SCHIP1: variants seen among roughly 807,000 people sequenced by gnomAD.
SCHIP1 encodes the protein schwannomin interacting protein 1.
Under a neutral mutation model 29.7 loss-of-function variants are expected in SCHIP1, and 8 were observed. That is an observed-to-expected ratio of 0.27 (90% confidence interval 0.16 to 0.49). The LOEUF is 0.49. Among genes scored for constraint, SCHIP1 ranks in the 20% least tolerant of loss-of-function variants. The pLI is 0.99. For synonymous variants in SCHIP1, 76 were observed against 94.9 expected, an observed-to-expected ratio of 0.80 and a Z score of 1.16; for missense variants, 193 against 294.6, an observed-to-expected ratio of 0.66 and a Z score of 2.52.
chr3:159,776,406 G>T, the SCHIP1 span, among the ~76,000 whole-genome samples: 2 of 151,348 alleles, frequency 1.3e-5, no homozygotes, highest in African/African-American at 2.4e-5. Context: ...GTGTGGAAGG[G>T]GACCTGAATG....
At chr3:159,409,988 C>T in the SCHIP1 span, among the ~76,000 whole-genome samples, 6 of 151,970 alleles carry the variant, frequency 3.9e-5, no homozygotes, top group Admixed American at 2.0e-4. Context: ...ACAGTGAACT[C>T]ATTTTTGATG....
At chr3:159,702,401 C>T in the SCHIP1 span, among the ~76,000 whole-genome samples, 1 of 152,200 alleles carries the variant, frequency 6.6e-6, no homozygotes, top group Non-Finnish European at 1.5e-5. Flanking sequence ...TATTAAGTCA[C>T]TCATAATATT....
the SCHIP1 span, among the ~76,000 whole-genome samples, chr3:159,335,801 C>T: frequency 6.6e-6 from 1 of 152,164 alleles, no homozygotes; most frequent in Non-Finnish European, 1.5e-5. Context: ...CCGCAATAAG[C>T]ATACGTGTGC....
At chr3:159,490,390 A>G in the SCHIP1 span, among the ~76,000 whole-genome samples, 1 of 152,328 alleles carries the variant, frequency 6.6e-6, no homozygotes, top group South Asian at 2.1e-4. Context: ...TTTACTTTCA[A>G]ATAACCAGGT....
chr3:159,666,912 C>A, the SCHIP1 span, among the ~76,000 whole-genome samples: 18 of 152,310 alleles, frequency 1.2e-4, no homozygotes, highest in African/African-American at 4.3e-4. Flanking sequence ...TTTAAGCCAG[C>A]CAGTTAGGTT....
chr3:159,839,256 G>A (rs897927462), upstream of SCHIP1, among the ~76,000 whole-genome samples: 9 of 150,206 alleles, frequency 6.0e-5, no homozygotes, highest in Admixed American at 1.3e-4. Flanking sequence ...AAGTCACAGC[G>A]TTGGGTAATA....
the SCHIP1 span, among the ~76,000 whole-genome samples, chr3:159,735,831 G>C: frequency 3.9e-5 from 6 of 152,172 alleles, no homozygotes; most frequent in Non-Finnish European, 4.4e-5. Flanking sequence ...CCATCTTCTA[G>C]TCATGGATTA....
At chr3:159,399,562 C>G in the SCHIP1 span, among the ~76,000 whole-genome samples, 1 of 152,120 alleles carries the variant, frequency 6.6e-6, no homozygotes, top group African/African-American at 2.4e-5. Flanking sequence ...ACCAGAATCT[C>G]CATGTGGGAG....
At chr3:159,817,980 C>A in the SCHIP1 span, among the ~76,000 whole-genome samples, 3 of 152,154 alleles carry the variant, frequency 2.0e-5, no homozygotes, top group East Asian at 5.8e-4. Context: ...TTTTATTTAT[C>A]CAATGGTGAG....
chr3:159,393,116 G>A, the SCHIP1 span, among the ~76,000 whole-genome samples: 3 of 152,180 alleles, frequency 2.0e-5, no homozygotes, highest in African/African-American at 7.2e-5. Context: ...GTCTTCTTTT[G>A]AGAAGTATCT....
chr3:159,819,745 G>C, the SCHIP1 span, among the ~76,000 whole-genome samples: 1 of 152,224 alleles, frequency 6.6e-6, no homozygotes, highest in Non-Finnish European at 1.5e-5. Flanking sequence ...ATTAAGCCCT[G>C]ACTCTAGACC....
the SCHIP1 span, among the ~76,000 whole-genome samples, chr3:159,436,441 GA>G: frequency 6.6e-6 from 1 of 152,152 alleles, no homozygotes. Context: ...ATCTAGCAGA[GA>G]ATTTGTCTCC....
At chr3:159,408,155 G>A in the SCHIP1 span, among the ~76,000 whole-genome samples, 12 of 151,848 alleles carry the variant, frequency 7.9e-5, no homozygotes, top group South Asian at 6.2e-4. Flanking sequence ...AAAATTAGCC[G>A]GGCATGGTGG....
At chr3:159,653,786 G>A in the SCHIP1 span, among the ~76,000 whole-genome samples, 4 of 151,652 alleles carry the variant, frequency 2.6e-5, no homozygotes, top group Non-Finnish European at 5.9e-5. Context: ...AGATCAGTAG[G>A]TGAATCTAGT....
chr3:159,878,071 AGTCAGACAC>A (rs1716025467), intron 2 of SCHIP1, among the ~76,000 whole-genome samples: 1 of 152,250 alleles, frequency 6.6e-6, no homozygotes, highest in African/African-American at 2.4e-5. Flanking sequence ...GACATGGCTG[AGTCAGACAC>A]ACAGCCATCC....
chr3:159,576,275 C>A, the SCHIP1 span, among the ~76,000 whole-genome samples: 1 of 152,120 alleles, frequency 6.6e-6, no homozygotes, highest in South Asian at 2.1e-4. Context: ...GACTATTATG[C>A]CATTTTTATT....
the SCHIP1 span, among the ~76,000 whole-genome samples, chr3:159,395,058 C>A: frequency 6.6e-6 from 1 of 152,132 alleles, no homozygotes; most frequent in Admixed American, 6.5e-5. Context: ...GTGTATGTGT[C>A]GAGGAATTTA....
chr3:159,687,967 A>G, the SCHIP1 span, among the ~76,000 whole-genome samples: 6 of 152,184 alleles, frequency 3.9e-5, no homozygotes, highest in Admixed American at 1.3e-4. Flanking sequence ...TCCATGGTGT[A>G]TATGTGCCAC....
At chr3:159,385,425 C>T in the SCHIP1 span, among the ~76,000 whole-genome samples, 62 of 152,036 alleles carry the variant, frequency 4.1e-4, no homozygotes, top group African/African-American at 1.4e-3. Flanking sequence ...GGTATGGTGG[C>T]GTATGCCTAT....
Sources: allele counts gnomAD v4.1 joint callset (sites outside exome capture counted in the v4.1 genomes callset), GRCh38; gene constraint gnomAD v4.1.1; transcripts MANE v1.5; gene names NCBI Gene and HGNC (gene_info 2026-07-23, HGNC 2026-07-21).